The following ABR variants were observed in gnomAD, a reference collection of about 807,000 sequenced individuals.
ABR encodes the protein ABR activator of RhoGEF and GTPase, also known as active breakpoint cluster region-related protein.
A neutral mutation model predicts 107.2 loss-of-function variants in ABR; 35 were observed. The ratio of observed to expected loss-of-function variants is 0.33; its 90% CI spans 0.25 to 0.43. The LOEUF is 0.43. Among genes scored for constraint, ABR ranks in the 20% least tolerant of loss-of-function variants. The pLI, the probability that ABR is intolerant of heterozygous loss-of-function variation, is 1.00. For synonymous variants in ABR, 498 were observed against 462.0 expected, an observed-to-expected ratio of 1.08 and a Z score of -1.00; for missense variants, 815 against 1,115.2, an observed-to-expected ratio of 0.73 and a Z score of 3.83.
At position 1,150,312 on chromosome 17, in the gene ABR, T is replaced by C. The variant is rs1295665141; in HGVS notation, c.62-24945A>G. On this transcript the variant is annotated intron_variant, in intron 1 of 22. Coordinates refer to ENST00000302538, the MANE Select transcript of ABR (RefSeq NM_021962.5). This position sits in a 1 kb window ranked among gnomAD's most constrained non-coding sequence, Gnocchi z 4.8. ...TGCACTCAGATCTCCTCTCTCATCT[T>C]TTGCCCACAATGGGAAAGGAGGTAA... Among the ~76,000 whole-genome samples the C allele has an allele frequency of 6.6e-6, 1 of 152,164 alleles. No homozygotes were observed. The highest frequency in any genetic ancestry group is 2.4e-5 in the African/African-American group (1 of 41,438).
intron 1 of ABR, among the ~76,000 whole-genome samples, chr17:1,225,148 CAAAA>C (rs57761576): frequency 3.4e-5 from 4 of 119,074 alleles, no homozygotes; most frequent in Middle Eastern, 4.4e-3. Flanking sequence ...GACTCCATCT[CAAAA>C]AAAAAAAAAA....
chr17:1,113,077 C>G (rs2038792112), intron 2 of ABR, among the ~76,000 whole-genome samples: 1 of 147,290 alleles, frequency 6.8e-6, no homozygotes, highest in Non-Finnish European at 1.5e-5. Flanking sequence ...AGTGTGCTAG[C>G]ATCGGAATGC....
chr17:1,094,787 G>A (rs1174827649), intron 3 of ABR, among the ~76,000 whole-genome samples: 1 of 152,182 alleles, frequency 6.6e-6, no homozygotes, highest in Admixed American at 6.5e-5. Flanking sequence ...GGAGTAGCCT[G>A]GAGGGCTGCA....
rs1159036214 is a variant in ABR at position 1,067,250 on chromosome 17, C to CGAGCCAGAGGGAGCCAT, written c.1017-25_1017-9dup. On this transcript the variant is annotated splice_polypyrimidine_tract_variant and intron_variant, in intron 9 of 22. Coordinates refer to ENST00000302538, the MANE Select transcript of ABR (RefSeq NM_021962.5). Reference sequence around the variant, plus strand: ...TCATACTGCTGGTGCTTCCTGCAAACGAGCCAGAGGGAGCCATGAGCCAGA... The same window carrying CGAGCCAGAGGGAGCCAT: ...TCATACTGCTGGTGCTTCCTGCAAACGAGCCAGAGGGAGCCATGAGCCAGAGGGAGCCATGAGCCAGA... The CGAGCCAGAGGGAGCCAT allele has an allele frequency of 1.5e-5, 24 of 1,572,042 alleles. No homozygotes were observed. The highest frequency in any genetic ancestry group is 2.0e-5 in the Non-Finnish European group (23 of 1,161,068).
chr17:1,016,854 G>C (rs2071205924), intron 16 of ABR, among the ~76,000 whole-genome samples: 1 of 152,126 alleles, frequency 6.6e-6, no homozygotes, highest in Non-Finnish European at 1.5e-5. Flanking sequence ...TGCACTCTGA[G>C]GTGTGCGTGC....
intron 16 of ABR, among the ~76,000 whole-genome samples, chr17:1,028,483 G>A (rs1361738931): frequency 1.3e-5 from 2 of 152,124 alleles, no homozygotes; most frequent in African/African-American, 2.4e-5. Flanking sequence ...ATCCAAGAAA[G>A]GGACCTTCTT....
chr17:1,031,893 T>TCCCTCCCCGCGCTCCCCTCCCTCCCG, intron 16 of ABR: 1 of 981,036 alleles, frequency 1.0e-6, no homozygotes, highest in Non-Finnish European at 1.2e-6. Context: ...CCTCCCTCCC[T>TCCCTCCCCGCGCTCCCCTCCCTCCCG]CCGTCCGCGT....
intron 16 of ABR, chr17:1,031,628 G>A: frequency 8.0e-7 from 1 of 1,248,620 alleles, no homozygotes; most frequent in Middle Eastern, 3.0e-4. Flanking sequence ...TGCGCACGCG[G>A]CCCCAGAGCC....
Position 1,017,763 on chromosome 17 carries a change from T to C in ABR, c.1792-4599A>G, listed in dbSNP as rs186933412. 3.5e-4 allele frequency among the ~76,000 whole-genome samples: 53 copies of C among 151,508 alleles called. 1 individual carries two copies. The highest frequency in any genetic ancestry group is 1.2e-3 in the African/African-American group (48 of 41,210). ...GATTACAAGTGTGAGCCACCATGCC[T>C]GGCCAATTTTTTTATTTTTAGTAGA... On this transcript the variant is annotated intron_variant, in intron 16 of 22. Transcript: ENST00000302538.
chr17:1,161,945 A>G (rs942582459), intron 1 of ABR, among the ~76,000 whole-genome samples: 3 of 152,166 alleles, frequency 2.0e-5, no homozygotes, highest in Non-Finnish European at 4.4e-5. Context: ...CATAGCACCC[A>G]TTCCCCTGGG....
chr17:1,185,312 C>A (rs964619885), intron 1 of ABR, among the ~76,000 whole-genome samples: 4 of 152,298 alleles, frequency 2.6e-5, no homozygotes, highest in African/African-American at 9.6e-5. Flanking sequence ...TCCGGCCAAT[C>A]TCAAGAGTTT....
At chr17:1,212,030 C>T (rs1048578465) in intron 1 of ABR, among the ~76,000 whole-genome samples, 31 of 151,322 alleles carry the variant, frequency 2.0e-4, no homozygotes, top group African/African-American at 6.1e-4. Flanking sequence ...TGCAGTGAGC[C>T]GAGATTGCAC....
intron 6 of ABR, among the ~76,000 whole-genome samples, chr17:1,074,973 T>G (rs2035580964): frequency 6.6e-6 from 1 of 152,102 alleles, no homozygotes; most frequent in Non-Finnish European, 1.5e-5. Flanking sequence ...GGCTGTGCTC[T>G]CAAACACGTG....
chr17:1,075,814 G>C (rs2035656801), intron 6 of ABR, among the ~76,000 whole-genome samples: 1 of 152,220 alleles, frequency 6.6e-6, no homozygotes, highest in African/African-American at 2.4e-5. Context: ...GGCCGAAGCG[G>C]GTGGATCATT....
At chr17:1,024,024 CAAAAA>C (rs11334940) in intron 16 of ABR, among the ~76,000 whole-genome samples, 2 of 47,660 alleles carry the variant, frequency 4.2e-5, no homozygotes, top group Non-Finnish European at 7.8e-5. Context: ...GACTCCATCT[CAAAAA>C]AAAAAAAAAA....
chr17:1,186,083 C>T (rs970841466), intron 1 of ABR, among the ~76,000 whole-genome samples: 2 of 152,172 alleles, frequency 1.3e-5, no homozygotes, highest in South Asian at 2.1e-4. Flanking sequence ...GTGATCCGCC[C>T]GCCTCCACCT....
intron 16 of ABR, among the ~76,000 whole-genome samples, chr17:1,030,853 T>C (rs1230554396): frequency 6.6e-6 from 1 of 152,242 alleles, no homozygotes; most frequent in Non-Finnish European, 1.5e-5. Context: ...GGACAGTTGA[T>C]TTGATCTGCA....
intron 1 of ABR, among the ~76,000 whole-genome samples, chr17:1,132,419 C>T (rs2039887598): frequency 7.0e-6 from 1 of 143,556 alleles, no homozygotes; most frequent in Non-Finnish European, 1.5e-5. Flanking sequence ...CGCTCTGTCA[C>T]CCAGGCTGGA....
intron 1 of ABR, among the ~76,000 whole-genome samples, chr17:1,175,282 G>T (rs965830737): frequency 3.9e-5 from 6 of 152,048 alleles, no homozygotes; most frequent in Admixed American, 1.3e-4. Context: ...TGTGGTGGCG[G>T]GCACCTGTAA....
Sources: gnomAD v4.1 joint callset for allele counts (sites outside exome capture counted in the v4.1 genomes callset) on GRCh38, gnomAD v4.1.1 for gene constraint, Gnocchi (gnomAD v3.1) non-coding constraint, MANE v1.5 for transcripts, NCBI Gene and HGNC (gene_info 2026-07-23, HGNC 2026-07-21) for gene names.